Variants in TAF5 observed in about 807,000 individuals in gnomAD.
TAF5 encodes transcription initiation factor TFIID subunit 5.
A neutral mutation model predicts 80.9 loss-of-function variants in TAF5; 20 were observed. The ratio of observed to expected loss-of-function variants is 0.25; its 90% CI spans 0.17 to 0.36. TAF5 has a LOEUF of 0.36. Ranked by LOEUF, TAF5 falls within the 10% of genes least tolerant of loss-of-function variation. The pLI, the probability that TAF5 is intolerant of heterozygous loss-of-function variation, is 1.00. For missense variants in TAF5, 863 were observed against 1,029.4 expected (o/e 0.84, Z 2.21); for synonymous variants, 388 against 406.4 (o/e 0.95, Z 0.55).
In TAF5 at chr10:103,378,212, A is replaced by T. The variant is rs1159534116; in HGVS notation, c.798-23A>T. On this transcript the variant is annotated intron_variant, in intron 2 of 10. Coordinates refer to ENST00000369839, the MANE Select transcript of TAF5 (RefSeq NM_006951.5). The surrounding 1 kb of genome is among the most constrained non-coding windows in gnomAD (Gnocchi z 4.1). ...CCCTTAATGATTACATTGAAAAATGACTTTTTAAAATCACTGAAACAGGTT... is the reference window on the plus strand; with the variant it reads ...CCCTTAATGATTACATTGAAAAATGTCTTTTTAAAATCACTGAAACAGGTT... 6.3e-7 allele frequency: 1 copy of T among 1,595,652 alleles called. No homozygotes were observed. Among genetic ancestry groups the T allele is most frequent in the Non-Finnish European group, 8.6e-7 (1 of 1,169,338 alleles).
intron 5 of TAF5, among the ~76,000 whole-genome samples, chr10:103,381,406 A>G (rs76231647): frequency 2.4e-4 from 37 of 152,098 alleles, no homozygotes; most frequent in African/African-American, 8.7e-4. Flanking sequence ...AGATGGGATT[A>G]CAGGTGCCCA....
intron 1 of TAF5, 34 bp downstream of exon 1, chr10:103,368,582 C>T (rs2093351322): frequency 3.5e-6 from 5 of 1,447,128 alleles, no homozygotes; most frequent in Non-Finnish European, 4.5e-6. Flanking sequence ...GTACGGCCGC[C>T]GCGAAGGGGA....
chr10:103,379,498 C>A, intron 3 of TAF5, 110 bp from the exon 4 acceptor site: 1 of 1,003,214 alleles, frequency 1.0e-6, no homozygotes, highest in Non-Finnish European at 1.4e-6. Flanking sequence ...CAGAACCCTG[C>A]TTCAGAGTGT....
intron 5 of TAF5, 84 bp downstream of exon 5, chr10:103,380,103 C>T: frequency 7.0e-7 from 1 of 1,429,504 alleles, no homozygotes. Context: ...AATGTATTAG[C>T]TAAAATGGAG....
intron 6 of TAF5, among the ~76,000 whole-genome samples, chr10:103,382,210 G>A (rs1326003932): frequency 6.6e-6 from 1 of 152,122 alleles, no homozygotes. Flanking sequence ...GATTTTATTT[G>A]AAAGTTTTTT....
Position 103,387,198 on chromosome 10 carries a change from A to T in TAF5, c.1853A>T (p.Gln618Leu). The change falls in exon 9 of 11, where the codon CAG becomes CTG. Residue 618 changes from glutamine (Q) to leucine (L), a missense_variant. This residue lies in a region of TAF5 where 368 missense variants were observed against 461.7 expected (regional missense o/e 0.80). Coordinates refer to ENST00000369839, the MANE Select transcript of TAF5 (RefSeq NM_006951.5). ...VARLWATDHY[Q>L]PLRIFAGHLA... ...AGGCTCTGGGCTACAGACCACTATCAGCCTTTAAGAATATTTGCCGGCCAT... is the reference window on the plus strand; with the variant it reads ...AGGCTCTGGGCTACAGACCACTATCTGCCTTTAAGAATATTTGCCGGCCAT... 1 of 1,614,070 alleles carries T rather than the reference A, an allele frequency of 6.2e-7. No individual in the cohort carries two copies. Among genetic ancestry groups the T allele is most frequent in the Non-Finnish European group, 8.5e-7 (1 of 1,179,982 alleles).
chr10:103,383,364 A>C lies in TAF5; in HGVS notation c.1661A>C (p.Asp554Ala). 3 of 1,587,032 alleles carry C rather than the reference A, an allele frequency of 1.9e-6. No homozygotes were observed. The highest frequency in any genetic ancestry group is 2.6e-6 in the Non-Finnish European group (3 of 1,172,896). ...GPVYGASFSP[D>A]RNYLLSSSED... is the part of the protein sequence containing the mutation. Reference sequence around the variant, plus strand: ...GTCTACGGAGCCAGCTTCAGTCCGGATAGGTAAAATACAAACAATAAAAAT... The same window carrying C: ...GTCTACGGAGCCAGCTTCAGTCCGGCTAGGTAAAATACAAACAATAAAAAT... The change falls in exon 7 of 11, where the codon GAT becomes GCT. Residue 554 changes from aspartate to alanine, a missense_variant. By Grantham distance (126) the Asp-to-Ala change is moderately radical. Around this residue, in one of 3 missense-constraint regions of TAF5, gnomAD observed 368 missense variants for 461.7 expected, o/e 0.80. Coordinates refer to ENST00000369839, the MANE Select transcript of TAF5 (RefSeq NM_006951.5).
At chr10:103,368,833 A>C (rs1012837186) in intron 1 of TAF5, among the ~76,000 whole-genome samples, 6 of 152,108 alleles carry the variant, frequency 3.9e-5, no homozygotes, top group African/African-American at 1.4e-4. Context: ...CTTTCCTTTC[A>C]TTTGGGCTTT....
chr10:103,369,871 T>C (rs1031985198), intron 1 of TAF5, among the ~76,000 whole-genome samples: 1 of 152,168 alleles, frequency 6.6e-6, no homozygotes, highest in African/African-American at 2.4e-5. Flanking sequence ...GACAGACCTT[T>C]TTGTCTTTGC....
Position 103,368,135 on chromosome 10 carries a change from G to A in TAF5, c.146G>A (p.Gly49Glu). 4 of 1,397,206 alleles carry A rather than the reference G, an allele frequency of 2.9e-6. No homozygotes were observed. The South Asian group carries it at 4.7e-5, about 16-fold the overall frequency. 86.6% of individuals were successfully genotyped at this position (1,397,206 alleles called of 1,614,324 possible). Residue 49 changes from glycine to glutamate, a missense_variant, in exon 1 of 11, where the codon GGG (glycine) becomes GAG (glutamate). Around this residue, in one of 3 missense-constraint regions of TAF5, gnomAD observed 367 missense variants for 335.5 expected, o/e 1.09. Coordinates refer to ENST00000369839, the MANE Select transcript of TAF5 (RefSeq NM_006951.5). The stretch of plus-strand genomic sequence containing the variant: ...AACAACGGCCCCAACGGCGGCGGCG[G>A]GAACGTTGCGGCGTCGTCGTCCACT... ...TTNNGPNGGG[G>E]NVAASSSTGG...
At chr10:103,380,085 G>C in intron 5 of TAF5, 66 bp downstream of exon 5, 1 of 1,513,838 alleles carries the variant, frequency 6.6e-7, no homozygotes, top group Non-Finnish European at 8.9e-7. Flanking sequence ...ACCATTAAGA[G>C]AGAAACAAAT....
intron 6 of TAF5, among the ~76,000 whole-genome samples, chr10:103,382,930 G>T (rs149171515): frequency 9.2e-5 from 14 of 152,264 alleles, no homozygotes; most frequent in Non-Finnish European, 1.5e-4. Context: ...CTACAGGTGT[G>T]AGCCACCATG....
intron 1 of TAF5, among the ~76,000 whole-genome samples, chr10:103,370,962 C>T (rs1014095431): frequency 4.6e-5 from 7 of 152,044 alleles, no homozygotes; most frequent in African/African-American, 1.4e-4. Flanking sequence ...GATTGAAGGC[C>T]GGGCTCGGTG....
intron 7 of TAF5, among the ~76,000 whole-genome samples, chr10:103,384,025 A>T (rs1253084151): frequency 2.0e-5 from 3 of 151,562 alleles, no homozygotes; most frequent in Non-Finnish European, 2.9e-5. Flanking sequence ...GTTTTATAGA[A>T]CTCCATTAGG....
In TAF5 at chr10:103,387,697, A is replaced by G; in HGVS notation, c.2184A>G (p.Ser728=). The change falls in exon 10 of 11, where the codon TCA becomes TCG. Residue 728 remains serine, a splice_region_variant and synonymous_variant. Transcript: ENST00000369839. ...GTAGAGATGGTGAAATTTTGGCATC[A>G]GGTAAATGACTATTAATGGCTTTAC... is the stretch of plus-strand genomic sequence containing the variant. ...RFSRDGEILA[S]GSMDNTVRLW... is the part of the protein sequence containing the mutation. The G allele has an allele frequency of 6.2e-7, 1 of 1,610,380 alleles. No individual in the cohort carries two copies. The highest frequency in any genetic ancestry group is 1.3e-5 in the African/African-American group (1 of 74,900).
At chr10:103,384,156 A>G (rs1047425677) in intron 7 of TAF5, among the ~76,000 whole-genome samples, 1 of 152,208 alleles carries the variant, frequency 6.6e-6, no homozygotes, top group Non-Finnish European at 1.5e-5. Context: ...TTCTATAATC[A>G]AAAGTACTAA....
intron 1 of TAF5, among the ~76,000 whole-genome samples, chr10:103,372,151 GGTC>G (rs1336363912): frequency 6.6e-6 from 1 of 151,602 alleles, no homozygotes; most frequent in Non-Finnish European, 1.5e-5. Context: ...TGGCCAGGCT[GGTC>G]TTGAACTTCT....
intron 5 of TAF5, 42 bp from the exon 6 acceptor site, chr10:103,381,679 A>G: frequency 6.2e-7 from 1 of 1,608,746 alleles, no homozygotes; most frequent in Non-Finnish European, 8.5e-7. Flanking sequence ...ATCTCTAAAT[A>G]TCCTAAAATA....
chr10:103,377,673 T>C (rs963938589), intron 2 of TAF5, among the ~76,000 whole-genome samples: 16 of 152,222 alleles, frequency 1.1e-4, no homozygotes, highest in Non-Finnish European at 1.5e-4. Context: ...TATTAAAGTA[T>C]TGATATTTTA....
Sources: gnomAD v4.1 joint callset for allele counts (sites outside exome capture counted in the v4.1 genomes callset) on GRCh38, gnomAD v4.1.1 for gene constraint, gnomAD v4.1.1 regional missense constraint, Gnocchi (gnomAD v3.1) non-coding constraint, MANE v1.5 for transcripts, NCBI Gene and HGNC (gene_info 2026-07-23, HGNC 2026-07-21) for gene names.